Variants in FOXK2 observed in about 807,000 individuals in gnomAD.
FOXK2 encodes the protein forkhead box K2.
In FOXK2, 24 loss-of-function variants were observed where a neutral mutation model predicts 53.3. The ratio of observed to expected loss-of-function variants is 0.45; its 90% confidence interval spans 0.33 to 0.63. The LOEUF (loss-of-function observed/expected upper bound fraction) is 0.63, where lower values mean the gene tolerates loss of function less well. Ranked by LOEUF, FOXK2 falls within the 30% of genes least tolerant of loss-of-function variation. The probability of loss-of-function intolerance (pLI) is 0.03; values close to 1 mark genes in which losing one functional copy is unlikely to be tolerated. For missense variants in FOXK2, 952 were observed against 910.5 expected (o/e 1.05, Z -0.59); for synonymous variants, 505 against 407.1 (o/e 1.24, Z -2.89).
intron 4 of FOXK2, among the ~76,000 whole-genome samples, chr17:82,579,440 C>T (rs2045030955): frequency 6.6e-6 from 1 of 152,140 alleles, no homozygotes; most frequent in Non-Finnish European, 1.5e-5. Context: ...AAATCCCACA[C>T]ATGGCCTAGC....
At chr17:82,520,700 A>G (rs2044352651) in intron 1 of FOXK2, among the ~76,000 whole-genome samples, 1 of 152,110 alleles carries the variant, frequency 6.6e-6, no homozygotes, top group East Asian at 1.9e-4. Flanking sequence ...GCCCCGAACT[A>G]AAATCTATGT....
chr17:82,573,010 G>T (rs2044935765), intron 4 of FOXK2, among the ~76,000 whole-genome samples: 1 of 152,038 alleles, frequency 6.6e-6, no homozygotes, highest in Non-Finnish European at 1.5e-5. Flanking sequence ...GGGCAACATG[G>T]CGAGACCCTG....
intron 1 of FOXK2, among the ~76,000 whole-genome samples, chr17:82,556,587 G>C (rs11655626): frequency 0.048 from 7,324 of 152,126 alleles, 199 homozygotes; most frequent in African/African-American, 0.07. Flanking sequence ...GCTGGGGCTG[G>C]GGCTGGGCTT....
At chr17:82,588,268 C>T (rs1338888090) in intron 8 of FOXK2, 1 of 152,766 alleles carries the variant, frequency 6.5e-6, no homozygotes, top group African/African-American at 2.4e-5. Flanking sequence ...GTTTGAATGC[C>T]TTCGTCCCCA....
At chr17:82,589,443 T>G (rs2045231542) in intron 8 of FOXK2, among the ~76,000 whole-genome samples, 1 of 152,252 alleles carries the variant, frequency 6.6e-6, no homozygotes, top group Admixed American at 6.5e-5. Flanking sequence ...ACAAAATTGA[T>G]AAAACCCAAA....
intron 4 of FOXK2, 98 bp from the exon 5 acceptor site, chr17:82,582,643 A>G (rs910861084): frequency 3.4e-5 from 33 of 974,218 alleles, no homozygotes; most frequent in Admixed American, 3.0e-5. Context: ...CAGGCCCAAC[A>G]TGTAGGTTTC....
In FOXK2 at chr17:82,586,109, T is replaced by A; in HGVS notation, c.1485T>A (p.Thr495=). The part of the protein sequence containing the change: ...VAGLAPANTY[T]VSGQAVVTPA... ...GACTGGCCCCAGCGAACACGTACAC[T>A]GTCTCTGGACAAGCTGTGGTCACCC... The change falls in exon 7 of 9, where the codon ACT becomes ACA. Residue 495 remains threonine (T), a synonymous_variant. Transcript: ENST00000335255. 1 of 1,612,716 alleles carries A rather than the reference T, an allele frequency of 6.2e-7. No individual in the cohort carries two copies. The highest frequency in any genetic ancestry group is 8.5e-7 in the Non-Finnish European group (1 of 1,179,942).
chr17:82,586,601 A>G (rs984794691), intron 7 of FOXK2, among the ~76,000 whole-genome samples: 3 of 151,990 alleles, frequency 2.0e-5, no homozygotes, highest in South Asian at 2.1e-4. Flanking sequence ...TGGGAAGTCC[A>G]TAAGATTTGC....
intron 1 of FOXK2, among the ~76,000 whole-genome samples, chr17:82,548,262 G>A (rs2044645723): frequency 6.6e-6 from 1 of 152,358 alleles, no homozygotes; most frequent in Middle Eastern, 3.4e-3. Context: ...GTATGTGACA[G>A]CTAGTTGCTC....
chr17:82,573,562 T>TCTCTCACACACACACA (rs1185597025), intron 4 of FOXK2, among the ~76,000 whole-genome samples: 9 of 83,316 alleles, frequency 1.1e-4, no homozygotes, highest in African/African-American at 4.1e-4. Flanking sequence ...TCTCTCTCTC[T>TCTCTCACACACACACA]CACACACACA....
At chr17:82,527,439 G>C (rs2044429289) in intron 1 of FOXK2, among the ~76,000 whole-genome samples, 1 of 152,056 alleles carries the variant, frequency 6.6e-6, no homozygotes, top group Non-Finnish European at 1.5e-5. Flanking sequence ...GATCAGCCTG[G>C]CCAACATGGC....
intron 8 of FOXK2, among the ~76,000 whole-genome samples, chr17:82,596,417 G>T (rs932952428): frequency 4.3e-5 from 1 of 23,074 alleles, no homozygotes; most frequent in Admixed American, 9.4e-4. Context: ...TGTAGGGGGA[G>T]CCTCAGAGCT....
intron 4 of FOXK2, among the ~76,000 whole-genome samples, chr17:82,580,976 G>C (rs559660083): frequency 6.6e-5 from 10 of 152,366 alleles, no homozygotes; most frequent in African/African-American, 2.4e-4. Context: ...GAGGCATTAG[G>C]ATGGCACTTG....
At chr17:82,522,624 G>A (rs577326627) in intron 1 of FOXK2, among the ~76,000 whole-genome samples, 1 of 151,906 alleles carries the variant, frequency 6.6e-6, no homozygotes, top group South Asian at 2.1e-4. Flanking sequence ...GCCCGCCTCG[G>A]CCTCCCAAAG....
At chr17:82,568,245 G>A (rs748997952) in intron 3 of FOXK2, 44 bp downstream of exon 3, 71 of 1,604,292 alleles carry the variant, frequency 4.4e-5, no homozygotes, top group Non-Finnish European at 5.9e-5. Context: ...GGGACAGTGT[G>A]TAGCCACAGG....
chr17:82,530,509 TG>T (rs943585982), intron 1 of FOXK2, among the ~76,000 whole-genome samples: 6 of 130,658 alleles, frequency 4.6e-5, no homozygotes, highest in African/African-American at 1.4e-4. Context: ...ACTACTGATG[TG>T]TTTTTTTTTT....
intron 4 of FOXK2, among the ~76,000 whole-genome samples, chr17:82,579,278 CG>C (rs1270023302): frequency 2.0e-5 from 3 of 152,188 alleles, no homozygotes; most frequent in African/African-American, 4.8e-5. Context: ...CTGTCTTTGT[CG>C]GGGCACCAAT....
intron 1 of FOXK2, among the ~76,000 whole-genome samples, chr17:82,549,683 C>T (rs534187263): frequency 1.3e-5 from 2 of 152,326 alleles, no homozygotes; most frequent in East Asian, 3.9e-4. Context: ...TCTGGATGCT[C>T]GATAGCCACT....
chr17:82,594,873 C>CT (rs2045294016), intron 8 of FOXK2, among the ~76,000 whole-genome samples: 1 of 152,218 alleles, frequency 6.6e-6, no homozygotes, highest in Non-Finnish European at 1.5e-5. Flanking sequence ...TGGTGAATCT[C>CT]TGTGTCTACA....
Sources: gnomAD v4.1 joint callset for allele counts (sites outside exome capture counted in the v4.1 genomes callset) on GRCh38, gnomAD v4.1.1 for gene constraint, MANE v1.5 for transcripts, NCBI Gene and HGNC (gene_info 2026-07-23, HGNC 2026-07-21) for gene names.